The following TMEM135 variants were observed in gnomAD, a reference collection of about 807,000 sequenced individuals.
TMEM135 encodes the protein transmembrane protein 135.
A neutral mutation model predicts 60.3 loss-of-function variants in TMEM135; 30 were observed. The observed-to-expected ratio is 0.50, with a 90% confidence interval of 0.37 to 0.68. The LOEUF (loss-of-function observed/expected upper bound fraction) is 0.68. Ranked by LOEUF, TMEM135 falls within the 30% of genes least tolerant of loss-of-function variation. TMEM135 has a pLI of 0.00. For synonymous variants in TMEM135, 190 were observed against 186.7 expected (o/e 1.02, Z -0.14); for missense variants, 468 against 548.8 (o/e 0.85, Z 1.47).
chr11:87,239,293 C>T (rs930466382), intron 6 of TMEM135, among the ~76,000 whole-genome samples: 13 of 152,166 alleles, frequency 8.5e-5, no homozygotes, highest in East Asian at 7.7e-4. Context: ...TCACCAAATT[C>T]GCTGTTCTTG....
At chr11:87,078,066 CAT>C (rs1233104487) in intron 3 of TMEM135, among the ~76,000 whole-genome samples, 2 of 152,088 alleles carry the variant, frequency 1.3e-5, no homozygotes, top group African/African-American at 4.8e-5. Flanking sequence ...TTTGTGTGGA[CAT>C]ATGTTTTTAT....
chr11:87,245,655 C>T (rs535598061), intron 6 of TMEM135, among the ~76,000 whole-genome samples: 1 of 135,890 alleles, frequency 7.4e-6, no homozygotes, highest in African/African-American at 2.8e-5. Flanking sequence ...TCTGTTTTAT[C>T]AGAGACTAGG....
At chr11:87,217,822 T>G (rs545661860) in intron 5 of TMEM135, among the ~76,000 whole-genome samples, 2 of 151,754 alleles carry the variant, frequency 1.3e-5, no homozygotes, top group South Asian at 4.2e-4. Context: ...TGGGTTTGGT[T>G]GCCTGGTAAA....
chr11:87,071,822 C>T (rs1451709164), intron 3 of TMEM135, among the ~76,000 whole-genome samples: 1 of 151,816 alleles, frequency 6.6e-6, no homozygotes, highest in Admixed American at 6.6e-5. Flanking sequence ...TAAAAGTGGA[C>T]ATTATAGAGC....
At chr11:87,097,071 A>G (rs1857347151) in intron 4 of TMEM135, among the ~76,000 whole-genome samples, 1 of 150,420 alleles carries the variant, frequency 6.6e-6, no homozygotes, top group Admixed American at 6.7e-5. Context: ...ATCTTGGCTC[A>G]CTGCAACCTC....
chr11:87,163,368 C>A (rs1348419989), intron 5 of TMEM135, among the ~76,000 whole-genome samples: 1 of 143,800 alleles, frequency 7.0e-6, no homozygotes, highest in Non-Finnish European at 1.5e-5. Context: ...GACATGAACT[C>A]ATCATTTTTT....
At chr11:87,223,411 C>T (rs1337381609) in intron 5 of TMEM135, among the ~76,000 whole-genome samples, 4 of 152,136 alleles carry the variant, frequency 2.6e-5, no homozygotes, top group Middle Eastern at 6.8e-3. Context: ...ACCTTGTGAT[C>T]TGCCTGCCTT....
chr11:87,149,660 A>T (rs1049469798), intron 4 of TMEM135, among the ~76,000 whole-genome samples: 1 of 152,160 alleles, frequency 6.6e-6, no homozygotes, highest in African/African-American at 2.4e-5. Context: ...ATGTTTAAAT[A>T]TCTTCTCTCC....
chr11:87,259,138 T>C, intron 6 of TMEM135: 1 of 697,868 alleles, frequency 1.4e-6, no homozygotes, highest in East Asian at 2.9e-5. Flanking sequence ...CCCCATAGTC[T>C]CTCCGACCAG....
Position 87,322,537 on chromosome 11 carries a change from A to G in TMEM135, c.*1204A>G, listed in dbSNP as rs1433234184. The G allele has an allele frequency of 4.4e-6, 2 of 453,912 alleles. No homozygotes were observed. Among genetic ancestry groups the G allele is most frequent in the South Asian group, 1.6e-5 (1 of 64,478 alleles). 28.1% of individuals were successfully genotyped at this position (453,912 alleles called of 1,614,324 possible). A position where few individuals can be genotyped will look rare whatever the true frequency, so the allele number is the denominator to read the frequency against. ...TTTCAGGGAAAAGTTATACTTTTCT[A>G]TGTTAATAAAGAGCTGAAGTGGTCT... On this transcript the variant is annotated 3_prime_UTR_variant, in exon 15 of 15. Coordinates refer to ENST00000305494, the MANE Select transcript of TMEM135 (RefSeq NM_022918.4).
intron 6 of TMEM135, among the ~76,000 whole-genome samples, chr11:87,288,709 T>C (rs1942211694): frequency 6.6e-6 from 1 of 152,240 alleles, no homozygotes; most frequent in African/African-American, 2.4e-5. Context: ...AGTTAAGTGA[T>C]TTACTCAAGA....
At chr11:87,258,777 T>G in intron 6 of TMEM135, 1 of 501,720 alleles carries the variant, frequency 2.0e-6, no homozygotes, top group South Asian at 2.0e-5. Flanking sequence ...AAAATCCAAA[T>G]AATCAGCAGT....
At chr11:87,201,862 G>C (rs1309278951) in intron 5 of TMEM135, among the ~76,000 whole-genome samples, 1 of 151,898 alleles carries the variant, frequency 6.6e-6, no homozygotes, top group African/African-American at 2.4e-5. Flanking sequence ...GTATTTCATA[G>C]ATATCATTTT....
At chr11:87,300,227 G>C (rs887522812) in intron 7 of TMEM135, among the ~76,000 whole-genome samples, 1 of 152,182 alleles carries the variant, frequency 6.6e-6, no homozygotes, top group African/African-American at 2.4e-5. Flanking sequence ...AGTCAGTTCA[G>C]ATACGCACTT....
chr11:87,142,390 G>T (rs1938287293), intron 4 of TMEM135, among the ~76,000 whole-genome samples: 1 of 152,184 alleles, frequency 6.6e-6, no homozygotes, highest in African/African-American at 2.4e-5. Flanking sequence ...AGTGCTACTG[G>T]AAAAGGCTGA....
At chr11:87,318,384 G>A in intron 13 of TMEM135, 149 bp downstream of exon 13, 2 of 657,840 alleles carry the variant, frequency 3.0e-6, no homozygotes, top group Non-Finnish European at 5.2e-6. Context: ...TTTTTTTTCA[G>A]CAAGATAGCT....
intron 5 of TMEM135, among the ~76,000 whole-genome samples, chr11:87,214,892 T>C (rs990163192): frequency 2.0e-5 from 3 of 152,146 alleles, no homozygotes; most frequent in African/African-American, 7.2e-5. Flanking sequence ...AGTTTATATA[T>C]CCATAATTGA....
intron 6 of TMEM135, among the ~76,000 whole-genome samples, chr11:87,264,797 A>G (rs7952287): frequency 0.35 from 53,547 of 151,642 alleles, 10,006 homozygotes; most frequent in Non-Finnish European, 0.42. Context: ...TATTAGCTTT[A>G]AGGGCATTAT....
chr11:87,314,928 G>T (rs1018754831), intron 12 of TMEM135, among the ~76,000 whole-genome samples: 1 of 151,692 alleles, frequency 6.6e-6, no homozygotes, highest in Admixed American at 6.6e-5. Flanking sequence ...AAGGCTAAAG[G>T]CTTTTTCAAA....
Sources: allele counts gnomAD v4.1 joint callset (sites outside exome capture counted in the v4.1 genomes callset), GRCh38; gene constraint gnomAD v4.1.1; transcripts MANE v1.5; gene names NCBI Gene and HGNC (gene_info 2026-07-23, HGNC 2026-07-21).